The following STPG1 variants were observed in gnomAD, a reference collection of about 807,000 sequenced individuals.
STPG1 encodes O(6)-methylguanine-induced apoptosis 2.
Under a neutral mutation model 40.1 loss-of-function variants are expected in STPG1, and 33 were observed. That is an observed-to-expected ratio of 0.82 (90% CI 0.62 to 1.10). The LOEUF is 1.10. STPG1 is among the 50% of genes least tolerant of loss of function. The pLI is 0.00. For missense variants in STPG1, 396 were observed against 415.1 expected (o/e 0.95, Z 0.40); for synonymous variants, 150 against 155.0 (o/e 0.97, Z 0.24).
intron 8 of STPG1, among the ~76,000 whole-genome samples, chr1:24,360,568 C>G (rs11581149): frequency 0.23 from 34,746 of 152,216 alleles, 4,853 homozygotes; most frequent in African/African-American, 0.39. Context: ...CTTCAGCCAA[C>G]TGCAGAGTCA....
At chr1:24,364,469 C>A in intron 7 of STPG1, 1 of 1,400,866 alleles carries the variant, frequency 7.1e-7, no homozygotes, top group Non-Finnish European at 9.3e-7. Flanking sequence ...CTGGCTATTA[C>A]TTTGCATTTA....
chr1:24,384,952 C>T lies in STPG1; in HGVS notation c.190-949G>A, dbSNP rs144678600. Among the ~76,000 whole-genome samples the T allele has an allele frequency of 3.5e-3, 534 of 152,320 alleles. 2 individuals are homozygous for T. The highest frequency in any genetic ancestry group is 5.7e-3 in the Non-Finnish European group (386 of 68,026). On this transcript the variant is annotated intron_variant, in intron 3 of 8. Transcript: ENST00000337248. ...TGTGTGCTGTCTTGTTTACTCCTCA[C>T]AACAAGCCTTTTACAGTGAGGTATG...
Position 24,366,211 on chromosome 1 carries a change from G to T in STPG1, c.737+3463C>A, listed in dbSNP as rs576570587. ...CCCTGCATGGCACGCGTGTGTTCCCGAGAAAGAAACATGGCGGCAAGTCAC... is the reference window on the plus strand; with the variant it reads ...CCCTGCATGGCACGCGTGTGTTCCCTAGAAAGAAACATGGCGGCAAGTCAC... On this transcript the variant is annotated intron_variant, in intron 7 of 8. Coordinates refer to ENST00000337248, the MANE Select transcript of STPG1 (RefSeq NM_001199013.2). 3.5e-4 allele frequency among the ~76,000 whole-genome samples: 54 copies of T among 152,274 alleles called. No individual in the cohort carries two copies. In the Middle Eastern group the frequency reaches 0.01, roughly 29 times the overall value.
chr1:24,369,040 C>T (rs184638210), intron 7 of STPG1: 21 of 189,836 alleles, frequency 1.1e-4, no homozygotes, highest in Non-Finnish European at 1.7e-4. Context: ...CAAAATCCTA[C>T]GAGGCAGGAA....
intron 3 of STPG1, among the ~76,000 whole-genome samples, chr1:24,386,262 T>C (rs755672891): frequency 2.6e-5 from 4 of 152,250 alleles, no homozygotes; most frequent in Non-Finnish European, 5.9e-5. Flanking sequence ...CTCACAACTT[T>C]CCTGGGCTTT....
At chr1:24,392,498 G>GCT (rs1303654009) in intron 2 of STPG1, among the ~76,000 whole-genome samples, 3 of 152,190 alleles carry the variant, frequency 2.0e-5, no homozygotes, top group Admixed American at 1.3e-4. Context: ...AAAGCCCAGA[G>GCT]CTCCCTCCTG....
intron 6 of STPG1, among the ~76,000 whole-genome samples, chr1:24,371,556 T>A (rs4648977): frequency 0.41 from 60,578 of 147,386 alleles, 12,382 homozygotes; most frequent in African/African-American, 0.47. Context: ...GCACCGTTGC[T>A]CTCCAGCCTG....
chr1:24,369,469 A>G (rs1641628855), intron 7 of STPG1: 5 of 697,870 alleles, frequency 7.2e-6, no homozygotes, highest in Non-Finnish European at 1.3e-5. Flanking sequence ...TACAATTTTA[A>G]GTTCCTGGCA....
Position 24,359,754 on chromosome 1 carries a change from CAT to C in STPG1, c.928+1095_928+1096del, listed in dbSNP as rs141036826. Among the ~76,000 whole-genome samples, 356 of 152,320 alleles carry C rather than the reference CAT, an allele frequency of 2.3e-3. No homozygotes were observed. The highest frequency in any genetic ancestry group is 7.6e-3 in the African/African-American group (316 of 41,574). ...TCATCCTCCCATGCCACCTGCCACACATGTCAGTCCCCAGTGCCACCAGCTTT... is the reference window on the plus strand; with the variant it reads ...TCATCCTCCCATGCCACCTGCCACACGTCAGTCCCCAGTGCCACCAGCTTT... On this transcript the variant is annotated intron_variant, in intron 8 of 8. Coordinates refer to ENST00000337248, the MANE Select transcript of STPG1 (RefSeq NM_001199013.2). The surrounding 1 kb of genome is among the most constrained non-coding windows in gnomAD (Gnocchi z 5.3).
At chr1:24,373,589 C>G in intron 6 of STPG1, 113 bp downstream of exon 6, 1 of 732,808 alleles carries the variant, frequency 1.4e-6, no homozygotes, top group Non-Finnish European at 2.5e-6. Flanking sequence ...CTACTCCTCC[C>G]CACCCAAAGA....
intron 3 of STPG1, among the ~76,000 whole-genome samples, chr1:24,390,263 G>C (rs547150994): frequency 6.6e-6 from 1 of 152,222 alleles, no homozygotes; most frequent in Non-Finnish European, 1.5e-5. Context: ...CTGCTGGTGA[G>C]AGAGGAGAAA....
At position 24,357,407 on chromosome 1, in the gene STPG1, C is replaced by T. The variant is rs1306472825; in HGVS notation, c.*1136G>A. ...AAGCTGGAAGGTGGCGCTTCTCAAC[C>T]TACACCTATCATTGGAATCACCTGG... On this transcript the variant is annotated 3_prime_UTR_variant, in exon 9 of 9. Coordinates refer to ENST00000337248, the MANE Select transcript of STPG1 (RefSeq NM_001199013.2). The T allele has an allele frequency of 6.6e-6, 1 of 152,556 alleles. No homozygotes were observed. The highest frequency in any genetic ancestry group is 6.5e-5 in the Admixed American group (1 of 15,294). 9.5% of individuals were successfully genotyped at this position (152,556 alleles called of 1,614,324 possible).
chr1:24,385,227 A>T (rs1480917182), intron 3 of STPG1, among the ~76,000 whole-genome samples: 1 of 152,172 alleles, frequency 6.6e-6, no homozygotes. Context: ...GATAGGGTCA[A>T]AGTGCTGTTA....
At chr1:24,358,932 G>A (rs1640905636) in intron 8 of STPG1, among the ~76,000 whole-genome samples, 1 of 152,210 alleles carries the variant, frequency 6.6e-6, no homozygotes, top group Non-Finnish European at 1.5e-5. Context: ...GAAGCAAGGT[G>A]TTAGCTTCAT....
intron 5 of STPG1, among the ~76,000 whole-genome samples, chr1:24,375,468 C>T (rs1350131081): frequency 1.3e-5 from 2 of 152,124 alleles, no homozygotes; most frequent in African/African-American, 4.8e-5. Context: ...TCCCAGGGCC[C>T]TAATGGCTAG....
intron 3 of STPG1, among the ~76,000 whole-genome samples, chr1:24,384,872 C>T (rs1403618796): frequency 5.3e-5 from 8 of 152,178 alleles, no homozygotes; most frequent in Non-Finnish European, 1.2e-4. Context: ...GATGAATTTG[C>T]CCAAGGTCCC....
At chr1:24,386,952 G>T (rs1642531098) in intron 3 of STPG1, among the ~76,000 whole-genome samples, 4 of 152,162 alleles carry the variant, frequency 2.6e-5, no homozygotes, top group Admixed American at 2.6e-4. Context: ...GGATTGAAGG[G>T]GTCAATACAC....
At chr1:24,365,876 T>C (rs1021838570) in intron 7 of STPG1, among the ~76,000 whole-genome samples, 2 of 152,102 alleles carry the variant, frequency 1.3e-5, no homozygotes, top group South Asian at 2.1e-4. Flanking sequence ...GTACTGACTT[T>C]GGGGCCTACG....
At chr1:24,407,473 G>T (rs1384012088) in intron 1 of STPG1, among the ~76,000 whole-genome samples, 2 of 136,182 alleles carry the variant, frequency 1.5e-5, no homozygotes, top group African/African-American at 5.7e-5. Context: ...ACGGAGTCCC[G>T]CTCTGTCACC....
Sources: allele counts gnomAD v4.1 joint callset (sites outside exome capture counted in the v4.1 genomes callset), GRCh38; gene constraint gnomAD v4.1.1; non-coding constraint Gnocchi (gnomAD v3.1); transcripts MANE v1.5; gene names NCBI Gene and HGNC (gene_info 2026-07-23, HGNC 2026-07-21).